Variants in VEPH1 observed in about 807,000 individuals in gnomAD.
The protein encoded by VEPH1 is ventricular zone-expressed PH domain-containing protein homolog 1.
In VEPH1, 80 loss-of-function variants were observed where a neutral mutation model predicts 85.2. The ratio of observed to expected loss-of-function variants is 0.94; its 90% CI spans 0.78 to 1.13. The LOEUF is 1.13. Among genes scored for constraint, VEPH1 ranks in the 50% most tolerant of loss-of-function variants. The probability of loss-of-function intolerance (pLI) is 0.00; values close to 1 mark genes in which losing one functional copy is unlikely to be tolerated. For synonymous variants in VEPH1, 297 were observed against 348.0 expected (o/e 0.85, Z 1.63); for missense variants, 955 against 980.5 (o/e 0.97, Z 0.35).
chr3:157,470,060 T>C (rs1419751116), intron 3 of VEPH1, among the ~76,000 whole-genome samples: 1 of 152,168 alleles, frequency 6.6e-6, no homozygotes, highest in Non-Finnish European at 1.5e-5. Context: ...TTTTTATATG[T>C]ATACTCTCCA....
chr3:157,340,002 A>G (rs1010923102), intron 9 of VEPH1, among the ~76,000 whole-genome samples: 3 of 152,230 alleles, frequency 2.0e-5, no homozygotes, highest in Non-Finnish European at 4.4e-5. Flanking sequence ...TAAAACCAGA[A>G]AAAGATTCTT....
intron 9 of VEPH1, among the ~76,000 whole-genome samples, chr3:157,322,660 G>C (rs1721475287): frequency 6.6e-6 from 1 of 152,192 alleles, no homozygotes; most frequent in Non-Finnish European, 1.5e-5. Context: ...AGGGCTATGA[G>C]GGCTTGCACT....
At chr3:157,495,787 A>C in intron 1 of VEPH1, among the ~76,000 whole-genome samples, 1 of 152,220 alleles carries the variant, frequency 6.6e-6, no homozygotes, top group East Asian at 1.9e-4. Flanking sequence ...TCTTCTCTCC[A>C]TGTCACAAGG....
At chr3:157,445,915 T>G (rs1042387203) in intron 4 of VEPH1, among the ~76,000 whole-genome samples, 2 of 152,040 alleles carry the variant, frequency 1.3e-5, no homozygotes, top group Non-Finnish European at 2.9e-5. Context: ...ATATCTGACT[T>G]AAAAAAACAA....
chr3:157,366,430 A>G (rs1405775272), intron 7 of VEPH1, among the ~76,000 whole-genome samples: 1 of 152,050 alleles, frequency 6.6e-6, no homozygotes, highest in African/African-American at 2.4e-5. Flanking sequence ...AAAACAAGAA[A>G]GAAAAAGAAA....
intron 2 of VEPH1, among the ~76,000 whole-genome samples, chr3:157,486,658 C>T (rs1354457634): frequency 6.6e-6 from 1 of 152,064 alleles, no homozygotes; most frequent in East Asian, 1.9e-4. Flanking sequence ...TATTAGTATA[C>T]TTATCTCAAA....
At chr3:157,282,014 C>T (rs541809468) in intron 12 of VEPH1, among the ~76,000 whole-genome samples, 4 of 152,150 alleles carry the variant, frequency 2.6e-5, no homozygotes, top group Admixed American at 2.0e-4. Context: ...TAATCTAGCT[C>T]GCATGAAGGG....
At chr3:157,314,991 A>T (rs999672509) in intron 10 of VEPH1, among the ~76,000 whole-genome samples, 9 of 152,092 alleles carry the variant, frequency 5.9e-5, no homozygotes, top group Non-Finnish European at 8.8e-5. Context: ...GAACAATTTT[A>T]AAAAAATGTA....
chr3:157,413,525 A>G, intron 6 of VEPH1: 2 of 985,390 alleles, frequency 2.0e-6, no homozygotes, highest in Non-Finnish European at 2.4e-6. Context: ...TTGTTACTGC[A>G]AAGTGGTCTT....
intron 9 of VEPH1, among the ~76,000 whole-genome samples, chr3:157,317,587 A>G (rs951016622): frequency 3.3e-5 from 5 of 152,206 alleles, no homozygotes; most frequent in Admixed American, 2.0e-4. Context: ...ATGACTTGCC[A>G]TGAACCATGG....
intron 5 of VEPH1, among the ~76,000 whole-genome samples, chr3:157,418,132 T>G (rs929501430): frequency 1.3e-5 from 2 of 152,122 alleles, no homozygotes; most frequent in African/African-American, 4.8e-5. Context: ...GGAAAGGAAT[T>G]CCAAGATCTC....
chr3:157,497,879 T>C (rs563387140), intron 1 of VEPH1, among the ~76,000 whole-genome samples: 2 of 152,312 alleles, frequency 1.3e-5, no homozygotes, highest in South Asian at 4.1e-4. Context: ...ACAGGAAAGC[T>C]TTCACAAACA....
chr3:157,450,494 G>A (rs1373009007), intron 4 of VEPH1, among the ~76,000 whole-genome samples: 2 of 151,760 alleles, frequency 1.3e-5, no homozygotes, highest in Non-Finnish European at 2.9e-5. Flanking sequence ...GTAAATAGAA[G>A]TAGATATATT....
chr3:157,305,036 A>ATCTATCTATCTATCTATCTATC (rs1719307763), intron 11 of VEPH1, among the ~76,000 whole-genome samples: 2 of 139,500 alleles, frequency 1.4e-5, no homozygotes, highest in African/African-American at 5.4e-5. Context: ...GTGTATTGTT[A>ATCTATCTATCTATCTATCTATC]TATCTATCTA....
chr3:157,313,602 C>A lies in VEPH1; in HGVS notation c.2010+19G>T. ...CTTAAATCTTGGCCTGTAACATGGC[C>A]AAGGAAAGGAATATTTACCTTCTGC... On this transcript the variant is annotated intron_variant, in intron 11 of 13. Coordinates refer to ENST00000362010, the MANE Select transcript of VEPH1 (RefSeq NM_001167912.2). 1 of 1,612,042 alleles carries A rather than the reference C, an allele frequency of 6.2e-7. No homozygotes were observed.
intron 9 of VEPH1, among the ~76,000 whole-genome samples, chr3:157,334,774 T>C (rs1722808512): frequency 6.6e-6 from 1 of 152,158 alleles, no homozygotes; most frequent in South Asian, 2.1e-4. Context: ...CCCTGATGAA[T>C]GCTAGGCCTA....
chr3:157,371,137 T>C (rs145060850), intron 7 of VEPH1, among the ~76,000 whole-genome samples: 1 of 152,320 alleles, frequency 6.6e-6, no homozygotes, highest in East Asian at 1.9e-4. Flanking sequence ...CTTTTCCTGC[T>C]CAAAGCCAGG....
intron 6 of VEPH1, among the ~76,000 whole-genome samples, chr3:157,393,950 G>A (rs1730124672): frequency 6.6e-6 from 1 of 152,144 alleles, no homozygotes; most frequent in Non-Finnish European, 1.5e-5. Context: ...ACTCTCATTG[G>A]CTGGTGGGTT....
intron 5 of VEPH1, among the ~76,000 whole-genome samples, chr3:157,416,557 T>G (rs1731928001): frequency 6.6e-6 from 1 of 152,116 alleles, no homozygotes; most frequent in African/African-American, 2.4e-5. Context: ...CAATGAAAAA[T>G]GCTTGCACAT....
Sources: gnomAD v4.1 joint callset for allele counts (sites outside exome capture counted in the v4.1 genomes callset) on GRCh38, gnomAD v4.1.1 for gene constraint, MANE v1.5 for transcripts, NCBI Gene and HGNC (gene_info 2026-07-23, HGNC 2026-07-21) for gene names.